Variants in ZNF624 observed in about 807,000 individuals in gnomAD.
The protein encoded by ZNF624 is zinc finger protein 624.
Under a neutral mutation model 74.7 loss-of-function variants are expected in ZNF624, and 43 were observed. The ratio of observed to expected loss-of-function variants is 0.58; its 90% CI spans 0.45 to 0.74. The LOEUF is 0.74. Among genes scored for constraint, ZNF624 ranks in the 30% least tolerant of loss-of-function variants. The probability of loss-of-function intolerance (pLI) is 0.00; values close to 1 mark genes in which losing one functional copy is unlikely to be tolerated. For missense variants in ZNF624, 820 were observed against 1,030.0 expected (o/e 0.80, Z 2.79); for synonymous variants, 331 against 341.3 (o/e 0.97, Z 0.33).
intron 3 of ZNF624, among the ~76,000 whole-genome samples, chr17:16,644,193 G>A (rs79440575): frequency 0.021 from 3,160 of 152,222 alleles, 102 homozygotes; most frequent in African/African-American, 0.072. Context: ...GCAGAACTGT[G>A]AGCCAAATAA....
At chr17:16,617,794 CGAG>C, downstream of ZNF624, 2 of 1,611,836 alleles carry the variant, frequency 1.2e-6, no homozygotes, top group Admixed American at 1.7e-5. Flanking sequence ...AGGTCTACTT[CGAG>C]GAGGCGGCCA....
At chr17:16,634,211 G>C (rs541708663) in intron 4 of ZNF624, among the ~76,000 whole-genome samples, 1 of 152,308 alleles carries the variant, frequency 6.6e-6, no homozygotes, top group South Asian at 2.1e-4. Context: ...CAAGTGACTA[G>C]TACCTGCCAT....
At chr17:16,619,375 G>T (rs1217494239), downstream of ZNF624, among the ~76,000 whole-genome samples, 2 of 152,180 alleles carry the variant, frequency 1.3e-5, no homozygotes, top group Non-Finnish European at 2.9e-5. Flanking sequence ...AAGAACTTCT[G>T]TTCATCAAAG....
downstream of ZNF624, among the ~76,000 whole-genome samples, chr17:16,620,530 A>G (rs1908882965): frequency 6.6e-6 from 1 of 152,120 alleles, no homozygotes; most frequent in African/African-American, 2.4e-5. Flanking sequence ...TTTTTCATCT[A>G]TCTGGAATTT....
chr17:16,645,633 C>CAA (rs747605908), intron 3 of ZNF624, among the ~76,000 whole-genome samples: 11,127 of 108,114 alleles, frequency 0.1, 524 homozygotes, highest in African/African-American at 0.15. Context: ...GACTACGCTA[C>CAA]AAAAAAAAAA....
intron 4 of ZNF624, 148 bp from the exon 5 acceptor site, chr17:16,634,105 A>G (rs1909271364): frequency 1.8e-6 from 1 of 542,970 alleles, no homozygotes; most frequent in Non-Finnish European, 3.2e-6. Flanking sequence ...CAATTGTCAC[A>G]TATGGCTATT....
At chr17:16,631,026 G>A (rs1218027179) in intron 5 of ZNF624, among the ~76,000 whole-genome samples, 1 of 151,922 alleles carries the variant, frequency 6.6e-6, no homozygotes, top group Non-Finnish European at 1.5e-5. Context: ...TTTTTCAAGA[G>A]CACAAAATGT....
rs1908903371 is a variant in ZNF624 at position 16,621,217 on chromosome 17, A to G, written c.*1071T>C. 1.3e-5 allele frequency: 2 copies of G among 152,278 alleles called. No individual in the cohort carries two copies. The highest frequency in any genetic ancestry group is 2.9e-5 in the Non-Finnish European group (2 of 68,048). The allele number at this position is 152,278 out of a possible 1,614,324, so 9.4% of individuals were successfully genotyped here. On this transcript the variant is annotated 3_prime_UTR_variant, in exon 6 of 6. Coordinates refer to ENST00000311331, the MANE Select transcript of ZNF624 (RefSeq NM_020787.4). ...TACATTGAAATCAGCTAGCATAGAT[A>G]TAAGTCGTTTTTAAAATTACTCTCA...
intron 3 of ZNF624, 47 bp downstream of exon 3, chr17:16,647,282 A>G: frequency 1.4e-6 from 2 of 1,477,086 alleles, no homozygotes; most frequent in Non-Finnish European, 1.9e-6. Flanking sequence ...AGGCAGTAAA[A>G]TAGGCATTTT....
At chr17:16,629,508 T>C (rs1175746668) in intron 5 of ZNF624, among the ~76,000 whole-genome samples, 1 of 152,004 alleles carries the variant, frequency 6.6e-6, no homozygotes, top group Non-Finnish European at 1.5e-5. Context: ...CATCATCTGT[T>C]TCTGTATAGC....
At position 16,649,716 on chromosome 17, in the gene ZNF624, C is replaced by T; in HGVS notation, c.29G>A (p.Arg10Lys). MSLQDSTLS[R>K]EGKPEGEIMA... ...AATCTCTCCCTCTGGTTTCCCCTCT[C>T]TGGAAAGAGTGGAGTCTTGCAAAGA... Residue 10 changes from arginine to lysine, a missense_variant, in exon 2 of 6, where the codon AGA (arginine) becomes AAA (lysine). Physicochemically the swap from Arg to Lys is conservative, Grantham distance 26. Transcript: ENST00000311331. 6.2e-7 allele frequency: 1 copy of T among 1,613,986 alleles called. No homozygotes were observed. The highest frequency in any genetic ancestry group is 8.5e-7 in the Non-Finnish European group (1 of 1,179,890).
chr17:16,629,805 G>A (rs148444485), intron 5 of ZNF624, among the ~76,000 whole-genome samples: 6 of 152,288 alleles, frequency 3.9e-5, no homozygotes, highest in South Asian at 2.1e-4. Flanking sequence ...GGCCTCCAGT[G>A]CCTGCCTTGG....
downstream of ZNF624, chr17:16,617,507 A>C: frequency 1.3e-6 from 2 of 1,595,178 alleles, no homozygotes; most frequent in Non-Finnish European, 1.7e-6. Context: ...AAATCCTTTA[A>C]ATCTCTCCAA....
At chr17:16,653,456 T>TCCCTGCG (rs1255639397) in intron 1 of ZNF624, 6 of 152,356 alleles carry the variant, frequency 3.9e-5, no homozygotes, top group African/African-American at 9.6e-5. Flanking sequence ...CCTACTCGAC[T>TCCCTGCG]CCCTGCGCCC....
intron 2 of ZNF624, among the ~76,000 whole-genome samples, chr17:16,648,765 C>A (rs1909652459): frequency 6.6e-6 from 1 of 152,132 alleles, no homozygotes; most frequent in Admixed American, 6.5e-5. Flanking sequence ...CACACACACA[C>A]ACACATTTAA....
chr17:16,637,445 C>T (rs182602779), intron 3 of ZNF624, among the ~76,000 whole-genome samples: 15 of 152,278 alleles, frequency 9.9e-5, no homozygotes, highest in South Asian at 2.1e-4. Context: ...CTGGAGGCAT[C>T]GCGCTACCTG....
intron 3 of ZNF624, among the ~76,000 whole-genome samples, chr17:16,636,427 T>A (rs1040768255): frequency 5.9e-5 from 9 of 152,286 alleles, no homozygotes; most frequent in Non-Finnish European, 1.2e-4. Flanking sequence ...TACTAATGAA[T>A]TAAAGAATCA....
At chr17:16,645,249 G>A (rs929286705) in intron 3 of ZNF624, among the ~76,000 whole-genome samples, 1 of 152,090 alleles carries the variant, frequency 6.6e-6, no homozygotes, top group African/African-American at 2.4e-5. Context: ...AGACCAGTCT[G>A]GCCAACACGG....
chr17:16,644,877 T>A (rs1569047934), intron 3 of ZNF624, among the ~76,000 whole-genome samples: 1 of 152,246 alleles, frequency 6.6e-6, no homozygotes, highest in African/African-American at 2.4e-5. Flanking sequence ...TCAGAAATTG[T>A]GTAGTCTGAA....
Sources: allele counts gnomAD v4.1 joint callset (sites outside exome capture counted in the v4.1 genomes callset), GRCh38; gene constraint gnomAD v4.1.1; transcripts MANE v1.5; gene names NCBI Gene and HGNC (gene_info 2026-07-23, HGNC 2026-07-21).